The following TOP1MT variants were observed in gnomAD, a reference collection of about 807,000 sequenced individuals.
The protein encoded by TOP1MT is DNA topoisomerase I, mitochondrial.
In TOP1MT, 80 loss-of-function variants were observed where a neutral mutation model predicts 73.9. That is an observed-to-expected ratio of 1.08 (90% CI 0.90 to 1.30). TOP1MT has a LOEUF of 1.30. TOP1MT is among the 50% of genes most tolerant of loss of function. TOP1MT has a pLI of 0.00. For synonymous variants in TOP1MT, 338 were observed against 326.4 expected, an observed-to-expected ratio of 1.04 and a Z score of -0.38; for missense variants, 815 against 808.0, an observed-to-expected ratio of 1.01 and a Z score of -0.10.
At chr8:143,315,867 C>T (rs531294160) in intron 11 of TOP1MT, 46 bp from the exon 12 acceptor site, 2 of 1,606,098 alleles carry the variant, frequency 1.2e-6, no homozygotes, top group East Asian at 4.5e-5. Flanking sequence ...CCATCCCGCA[C>T]CAGCCCCTGT....
At chr8:143,318,567 C>T (rs1370176502) in intron 8 of TOP1MT, among the ~76,000 whole-genome samples, 2 of 152,204 alleles carry the variant, frequency 1.3e-5, no homozygotes, top group Non-Finnish European at 2.9e-5. Context: ...CAGCCTGCAC[C>T]TGCACCCATG....
rs1036876566 is a variant in TOP1MT, at chr8:143,334,620, G to A, written c.122+120C>T. The A allele has an allele frequency of 2.1e-5, 30 of 1,443,602 alleles. No individual in the cohort carries two copies. The African/African-American group carries it at 2.4e-4, about 11-fold the overall frequency. 89.4% of individuals were successfully genotyped at this position (1,443,602 alleles called of 1,614,324 possible). A position where few individuals can be genotyped will look rare whatever the true frequency, so the allele number is the denominator to read the frequency against. On this transcript the variant is annotated intron_variant, in intron 1 of 13. Coordinates refer to ENST00000329245, the MANE Select transcript of TOP1MT (RefSeq NM_052963.3). ...CGCGGCACGCATGCTCTCCTGGCCC[G>A]ACTTTTGGGAAAACCGGAAGCAGGG...
rs1586768922 is a variant in TOP1MT, at chr8:143,329,281, C to T, written c.360+69G>A. The T allele has an allele frequency of 1.1e-5, 17 of 1,482,132 alleles. No individual in the cohort carries two copies. The Middle Eastern group carries it at 5.4e-4, about 47-fold the overall frequency. 91.8% of individuals were successfully genotyped at this position (1,482,132 alleles called of 1,614,324 possible). The stretch of plus-strand genomic sequence containing the variant: ...ACTTGCGAGGGGCGTTCAGAGGCAG[C>T]ACTGCAGAACCGCAGACGCCTAGCC... On this transcript the variant is annotated intron_variant, in intron 3 of 13. Coordinates refer to ENST00000329245, the MANE Select transcript of TOP1MT (RefSeq NM_052963.3).
intron 7 of TOP1MT, among the ~76,000 whole-genome samples, chr8:143,321,912 G>A (rs1816417372): frequency 1.0e-4 from 4 of 38,294 alleles, no homozygotes; most frequent in African/African-American, 3.4e-4. Flanking sequence ...ACACACACAG[G>A]CACGCCACAC....
At chr8:143,336,763 A>G (rs1816988877), upstream of TOP1MT, among the ~76,000 whole-genome samples, 1 of 152,190 alleles carries the variant, frequency 6.6e-6, no homozygotes, top group South Asian at 2.1e-4. Context: ...CAAGTGGATC[A>G]CTTGAGCCAA....
chr8:143,347,445 G>T (rs888146689), upstream of TOP1MT, among the ~76,000 whole-genome samples: 1 of 152,006 alleles, frequency 6.6e-6, no homozygotes, highest in Admixed American at 6.6e-5. Context: ...ATGAGCCACC[G>T]CACCCAGCTA....
intron 1 of TOP1MT, among the ~76,000 whole-genome samples, chr8:143,355,801 G>A (rs1234222526): frequency 2.6e-5 from 4 of 152,134 alleles, no homozygotes; most frequent in Non-Finnish European, 5.9e-5. Flanking sequence ...CGCTCAAGCG[G>A]AAACAAAGAC....
intron 13 of TOP1MT, chr8:143,309,748 TG>T (rs1254791259): frequency 6.5e-7 from 1 of 1,533,636 alleles, no homozygotes; most frequent in Non-Finnish European, 8.7e-7. Context: ...GACAACCTGC[TG>T]TGGCCTAGGT....
In TOP1MT at chr8:143,326,209, G is replaced by A. The variant is rs373671726; in HGVS notation, c.483+13C>T. On this transcript the variant is annotated intron_variant, in intron 4 of 13. Transcript: ENST00000329245. The stretch of plus-strand genomic sequence containing the variant: ...GGCCACTTCAGGTCACACAACGCTC[G>A]AGGCAGCCCAACCTGCTTCTCCTCC... 47 of 1,613,246 alleles carry A rather than the reference G, an allele frequency of 2.9e-5. No individual in the cohort carries two copies. The highest frequency in any genetic ancestry group is 3.6e-5 in the Non-Finnish European group (42 of 1,179,912).
At chr8:143,324,769 G>T in intron 5 of TOP1MT, 140 bp from the exon 6 acceptor site, 1 of 1,037,042 alleles carries the variant, frequency 9.6e-7, no homozygotes, top group Non-Finnish European at 1.4e-6. Context: ...CATCAGAGGT[G>T]GCCTGCCTGG....
chr8:143,339,883 A>G (rs111510575), intron 2 of TOP1MT, among the ~76,000 whole-genome samples: 1 of 80,142 alleles, frequency 1.2e-5, no homozygotes, highest in African/African-American at 5.7e-5. Flanking sequence ...CACTCCCAGC[A>G]CTGGTCTACA....
intron 5 of TOP1MT, 42 bp downstream of exon 5, chr8:143,325,304 G>A (rs1816674366): frequency 6.5e-7 from 1 of 1,544,390 alleles, no homozygotes; most frequent in Non-Finnish European, 8.8e-7. Flanking sequence ...CACCCGGGTG[G>A]CGGGGGTCCA....
intron 7 of TOP1MT, among the ~76,000 whole-genome samples, chr8:143,322,140 AGGCACGC>A (rs1416878158): frequency 1.6e-5 from 1 of 62,476 alleles, no homozygotes; most frequent in African/African-American, 4.1e-5. Context: ...CACGCCACAC[AGGCACGC>A]CACACGCACG....
intron 7 of TOP1MT, among the ~76,000 whole-genome samples, chr8:143,322,651 ACACC>A (rs1816502051): frequency 1.3e-5 from 1 of 77,716 alleles, no homozygotes; most frequent in Non-Finnish European, 2.4e-5. Context: ...CGCCACACGC[ACACC>A]ACACACGCAC....
intron 1 of TOP1MT, among the ~76,000 whole-genome samples, chr8:143,352,506 A>G (rs1190963940): frequency 6.6e-6 from 1 of 152,230 alleles, no homozygotes; most frequent in East Asian, 1.9e-4. Context: ...TCTTCCTCAC[A>G]TCAAATGCAA....
intron 1 of TOP1MT, among the ~76,000 whole-genome samples, chr8:143,354,397 G>A (rs1403153430): frequency 1.3e-5 from 2 of 152,072 alleles, no homozygotes; most frequent in Admixed American, 1.3e-4. Context: ...GGGGCTGGGG[G>A]AATGGAGAAT....
intron 7 of TOP1MT, among the ~76,000 whole-genome samples, chr8:143,321,715 C>T (rs1816389063): frequency 7.6e-6 from 1 of 131,136 alleles, no homozygotes; most frequent in Non-Finnish European, 1.5e-5. Flanking sequence ...ACATGCCACA[C>T]ACGCACGCCA....
chr8:143,324,195 G>A (rs1332641995), intron 6 of TOP1MT, 53 bp from the exon 7 acceptor site: 17 of 1,599,148 alleles, frequency 1.1e-5, no homozygotes, highest in East Asian at 2.2e-5. Context: ...GTTAAATAAC[G>A]GAGGAGGCTG....
chr8:143,322,941 C>T (rs1445335769), intron 7 of TOP1MT, among the ~76,000 whole-genome samples: 11 of 101,420 alleles, frequency 1.1e-4, no homozygotes, highest in East Asian at 3.3e-4. Flanking sequence ...CACACAGGCA[C>T]GCCACACACG....
Sources: allele counts gnomAD v4.1 joint callset (sites outside exome capture counted in the v4.1 genomes callset), GRCh38; gene constraint gnomAD v4.1.1; transcripts MANE v1.5; gene names NCBI Gene and HGNC (gene_info 2026-07-23, HGNC 2026-07-21).